The following NRG3 variants were observed in gnomAD, a reference collection of about 807,000 sequenced individuals.
NRG3 encodes neuregulin 3.
NRG3 carries 31 observed loss-of-function variants against 66.9 expected under a neutral mutation model. The observed-to-expected ratio is 0.46, with a 90% CI of 0.35 to 0.63. The LOEUF is 0.63. Ranked by LOEUF, NRG3 falls within the 20% of genes least tolerant of loss-of-function variation. The pLI is 0.00. For missense variants in NRG3, 910 were observed against 878.9 expected (o/e 1.04, Z -0.45); for synonymous variants, 393 against 359.4 (o/e 1.09, Z -1.06).
intron 3 of NRG3, among the ~76,000 whole-genome samples, chr10:82,739,876 G>A (rs912110192): frequency 2.0e-5 from 3 of 152,262 alleles, no homozygotes; most frequent in Non-Finnish European, 2.9e-5. Flanking sequence ...TATTTATCAA[G>A]TGATTTGGAC....
At chr10:82,808,293 T>C (rs1279859176) in intron 3 of NRG3, among the ~76,000 whole-genome samples, 1 of 152,180 alleles carries the variant, frequency 6.6e-6, no homozygotes, top group African/African-American at 2.4e-5. Context: ...ATACAGTTTC[T>C]ACTTACACTG....
intron 1 of NRG3, among the ~76,000 whole-genome samples, chr10:82,009,446 C>T (rs1393378186): frequency 6.6e-6 from 1 of 152,084 alleles, no homozygotes; most frequent in East Asian, 1.9e-4. Context: ...AGCATACATA[C>T]CTAGTCTGTG....
intron 2 of NRG3, among the ~76,000 whole-genome samples, chr10:82,698,700 A>G (rs2134265695): frequency 6.6e-6 from 1 of 152,246 alleles, no homozygotes; most frequent in East Asian, 1.9e-4. Context: ...TCTTATCTGT[A>G]AAGTGCTGAT....
chr10:81,968,269 A>T (rs1414775617), intron 1 of NRG3, among the ~76,000 whole-genome samples: 1 of 152,172 alleles, frequency 6.6e-6, no homozygotes, highest in Non-Finnish European at 1.5e-5. Context: ...TGAGTGGATG[A>T]CCATCCTCTT....
At chr10:82,280,296 G>A (rs763875793) in intron 1 of NRG3, among the ~76,000 whole-genome samples, 75 of 152,102 alleles carry the variant, frequency 4.9e-4, no homozygotes, top group South Asian at 2.1e-4. Context: ...AAAACAGGTG[G>A]GTTCCCTTAG....
Position 82,404,168 on chromosome 10 carries a change from A to T in NRG3, c.953+45300A>T, listed in dbSNP as rs1158400437. On this transcript the variant is annotated intron_variant, in intron 2 of 8. Coordinates refer to ENST00000372141, the MANE Select transcript of NRG3 (RefSeq NM_001010848.4). Reference sequence around the variant, plus strand: ...AGAAGGCATTCAAACCTTAGTATAAATGGTTAATCTGAATACAGACTAGGA... The same window carrying T: ...AGAAGGCATTCAAACCTTAGTATAATTGGTTAATCTGAATACAGACTAGGA... Among the ~76,000 whole-genome samples, 3 of 152,308 alleles carry T rather than the reference A, an allele frequency of 2.0e-5. No homozygotes were observed. In the East Asian group the frequency reaches 5.8e-4, roughly 29 times the overall value.
intron 2 of NRG3, among the ~76,000 whole-genome samples, chr10:82,411,293 G>T (rs2088066915): frequency 6.6e-6 from 1 of 152,134 alleles, no homozygotes; most frequent in South Asian, 2.1e-4. Context: ...AAGGAGGAAA[G>T]ATGAGGGAAA....
At chr10:82,231,882 G>T (rs553300753) in intron 1 of NRG3, among the ~76,000 whole-genome samples, 1 of 152,184 alleles carries the variant, frequency 6.6e-6, no homozygotes, top group Admixed American at 6.6e-5. Flanking sequence ...TCTTAAATTG[G>T]ATTAATAGTT....
chr10:82,774,538 G>A (rs2059825007), intron 3 of NRG3, among the ~76,000 whole-genome samples: 1 of 151,674 alleles, frequency 6.6e-6, no homozygotes, highest in African/African-American at 2.4e-5. Flanking sequence ...TTTCCTCTAG[G>A]TTATCAATAT....
At position 82,857,270 on chromosome 10, in the gene NRG3, T is replaced by C. The variant is rs539568345; in HGVS notation, c.1028-8141T>C. On this transcript the variant is annotated intron_variant, in intron 3 of 8. Transcript: ENST00000372141. ...CCTTTGATACAAATCAACATTCTTG[T>C]TTAGAGAATGATAAGAGATTATTAA... is the stretch of plus-strand genomic sequence containing the variant. 1.3e-3 allele frequency among the ~76,000 whole-genome samples: 195 copies of C among 152,330 alleles called. 1 individual carries two copies. The highest frequency in any genetic ancestry group is 4.4e-3 in the African/African-American group (182 of 41,580).
At chr10:81,895,761 C>T (rs1166447382) in intron 1 of NRG3, among the ~76,000 whole-genome samples, 2 of 152,122 alleles carry the variant, frequency 1.3e-5, no homozygotes, top group African/African-American at 2.4e-5. Context: ...TGGAGTGAGC[C>T]TCCAGGAGCC....
intron 1 of NRG3, among the ~76,000 whole-genome samples, chr10:82,086,228 C>T (rs940032109): frequency 6.6e-6 from 1 of 152,050 alleles, no homozygotes; most frequent in Admixed American, 6.6e-5. Context: ...ATGAGTTCAT[C>T]TCTAGGTATT....
At chr10:82,501,238 A>C (rs926990858) in intron 2 of NRG3, among the ~76,000 whole-genome samples, 4 of 152,114 alleles carry the variant, frequency 2.6e-5, no homozygotes, top group African/African-American at 9.7e-5. Context: ...AAAGAAGTGG[A>C]CTGGAGATAG....
At chr10:81,895,259 A>C (rs1297151670) in intron 1 of NRG3, among the ~76,000 whole-genome samples, 1 of 152,204 alleles carries the variant, frequency 6.6e-6, no homozygotes, top group East Asian at 1.9e-4. Flanking sequence ...CAAGCATTAC[A>C]GTTTTAAGAT....
At chr10:82,747,226 T>G (rs998822537) in intron 3 of NRG3, among the ~76,000 whole-genome samples, 2 of 152,062 alleles carry the variant, frequency 1.3e-5, no homozygotes, top group African/African-American at 4.8e-5. Flanking sequence ...TTCTTTTATA[T>G]TCTTTTATAA....
chr10:82,960,159 T>C (rs1850485663), intron 6 of NRG3, among the ~76,000 whole-genome samples: 1 of 152,234 alleles, frequency 6.6e-6, no homozygotes, highest in Non-Finnish European at 1.5e-5. Flanking sequence ...ACTCAGATGA[T>C]TTAATGCAGA....
intron 2 of NRG3, among the ~76,000 whole-genome samples, chr10:82,688,184 C>T (rs1324414510): frequency 6.6e-6 from 1 of 152,178 alleles, no homozygotes; most frequent in Admixed American, 6.5e-5. Flanking sequence ...ATTTACTTCA[C>T]TACATGTACA....
At chr10:82,007,439 C>A (rs2061417364) in intron 1 of NRG3, among the ~76,000 whole-genome samples, 1 of 151,932 alleles carries the variant, frequency 6.6e-6, no homozygotes, top group Non-Finnish European at 1.5e-5. Flanking sequence ...GATCTCTTGA[C>A]TTTGTGATCT....
intron 1 of NRG3, among the ~76,000 whole-genome samples, chr10:82,281,448 G>T (rs547505521): frequency 6.6e-6 from 1 of 152,090 alleles, no homozygotes; most frequent in African/African-American, 2.4e-5. Flanking sequence ...GTATTGGCCC[G>T]GAGGAAACAA....
Sources: allele counts gnomAD v4.1 joint callset (sites outside exome capture counted in the v4.1 genomes callset), GRCh38; gene constraint gnomAD v4.1.1; transcripts MANE v1.5; gene names NCBI Gene and HGNC (gene_info 2026-07-23, HGNC 2026-07-21).